IQSEC1: variants seen among roughly 807,000 people sequenced by gnomAD.
IQSEC1 encodes IQ motif and SEC7 domain-containing protein 1.
In IQSEC1, 31 loss-of-function variants were observed where a neutral mutation model predicts 91.0. The ratio of observed to expected loss-of-function variants is 0.34; its 90% CI spans 0.26 to 0.46. The LOEUF (loss-of-function observed/expected upper bound fraction) is 0.46, where lower values mean the gene tolerates loss of function less well. Among genes scored for constraint, IQSEC1 ranks in the 20% least tolerant of loss-of-function variants. IQSEC1 has a pLI of 1.00. For missense variants in IQSEC1, 1,388 were observed against 1,575.6 expected (o/e 0.88, Z 2.02); for synonymous variants, 699 against 662.6 (o/e 1.05, Z -0.84).
chr3:12,927,084 T>G (rs368714480), intron 3 of IQSEC1, among the ~76,000 whole-genome samples: 11 of 152,172 alleles, frequency 7.2e-5, no homozygotes, highest in African/African-American at 2.2e-4. Flanking sequence ...CAGAGCAGAT[T>G]CTGGGTCCTC....
At chr3:12,961,699 C>T (rs1025535462) in intron 1 of IQSEC1, among the ~76,000 whole-genome samples, 3 of 152,196 alleles carry the variant, frequency 2.0e-5, no homozygotes, top group Non-Finnish European at 4.4e-5. Context: ...GGTCCAGTTC[C>T]ACACAGTCAA....
intron 1 of IQSEC1, among the ~76,000 whole-genome samples, chr3:12,944,017 A>T (rs1698996004): frequency 6.6e-6 from 1 of 152,178 alleles, no homozygotes; most frequent in South Asian, 2.1e-4. Flanking sequence ...GCCTGAATGA[A>T]GAGGGGGTCC....
intron 1 of IQSEC1, among the ~76,000 whole-genome samples, chr3:13,175,445 G>A (rs898971521): frequency 6.6e-6 from 1 of 152,132 alleles, no homozygotes; most frequent in Non-Finnish European, 1.5e-5. Flanking sequence ...TGTGACTGAG[G>A]GCAAGAAAGG....
At chr3:13,235,178 G>A (rs1694906516) in intron 1 of IQSEC1, among the ~76,000 whole-genome samples, 1 of 152,214 alleles carries the variant, frequency 6.6e-6, no homozygotes, top group Admixed American at 6.5e-5. Context: ...AAAGTGGGGT[G>A]GGGCTGCCCC....
chr3:13,200,104 C>T (rs1009603893), intron 1 of IQSEC1, among the ~76,000 whole-genome samples: 7 of 148,920 alleles, frequency 4.7e-5, no homozygotes, highest in Non-Finnish European at 8.9e-5. Context: ...TGCGCGCGCA[C>T]GCACACACAC....
intron 1 of IQSEC1, among the ~76,000 whole-genome samples, chr3:13,173,427 G>A (rs1693656617): frequency 6.6e-6 from 1 of 152,232 alleles, no homozygotes; most frequent in Non-Finnish European, 1.5e-5. Flanking sequence ...CCCTGCACCA[G>A]CCCTGTCTGG....
intron 1 of IQSEC1, among the ~76,000 whole-genome samples, chr3:13,200,361 G>T (rs950497931): frequency 2.6e-5 from 4 of 152,138 alleles, no homozygotes; most frequent in African/African-American, 9.7e-5. Flanking sequence ...AAGACTGGAA[G>T]AAAATTCTCC....
At chr3:13,256,197 G>A (rs1036330249) in intron 1 of IQSEC1, among the ~76,000 whole-genome samples, 8 of 152,156 alleles carry the variant, frequency 5.3e-5, no homozygotes, top group African/African-American at 1.9e-4. Context: ...GTCTAGAGAC[G>A]GATAGTGGTG....
intron 2 of IQSEC1, among the ~76,000 whole-genome samples, chr3:13,080,190 C>T (rs1189386335): frequency 1.3e-5 from 2 of 152,086 alleles, no homozygotes; most frequent in African/African-American, 4.8e-5. Flanking sequence ...AAATAGATCC[C>T]CTCATGGGGG....
At chr3:12,946,725 T>A (rs192556579) in intron 1 of IQSEC1, among the ~76,000 whole-genome samples, 2 of 152,300 alleles carry the variant, frequency 1.3e-5, no homozygotes, top group African/African-American at 4.8e-5. Context: ...GAATGTGAGC[T>A]GATGTCATGA....
rs536864158 is a variant in IQSEC1 at position 13,041,083 on chromosome 3, C to T, written c.23+31909G>A. 6.6e-5 allele frequency among the ~76,000 whole-genome samples: 10 copies of T among 152,224 alleles called. No homozygotes were observed. In the East Asian group the frequency reaches 9.6e-4, roughly 15 times the overall value. On this transcript the variant is annotated intron_variant, in intron 1 of 13. Transcript: ENST00000613206. ...CCTCTGGTTTTATTCTGCTCACCTGCGCACAGGGGCTTTAATGCTTCTTTT... is the reference window on the plus strand; with the variant it reads ...CCTCTGGTTTTATTCTGCTCACCTGTGCACAGGGGCTTTAATGCTTCTTTT...
chr3:12,907,815 C>T (rs1203116714), intron 12 of IQSEC1, among the ~76,000 whole-genome samples: 3 of 152,326 alleles, frequency 2.0e-5, no homozygotes, highest in South Asian at 2.1e-4. Context: ...AGGGCTTTCC[C>T]GGACCCCGGA....
intron 1 of IQSEC1, among the ~76,000 whole-genome samples, chr3:12,953,560 T>G (rs1699704438): frequency 6.6e-6 from 1 of 152,250 alleles, no homozygotes; most frequent in Non-Finnish European, 1.5e-5. Flanking sequence ...AGAGCTTTGC[T>G]GACTGATCCA....
intron 1 of IQSEC1, among the ~76,000 whole-genome samples, chr3:13,221,385 G>A (rs1165913687): frequency 6.6e-6 from 1 of 152,228 alleles, no homozygotes; most frequent in Admixed American, 6.5e-5. Flanking sequence ...GAGCCAGGGA[G>A]AGGTGGAGTT....
At chr3:13,194,180 T>A (rs1258796282) in intron 1 of IQSEC1, among the ~76,000 whole-genome samples, 1 of 151,934 alleles carries the variant, frequency 6.6e-6, no homozygotes, top group East Asian at 1.9e-4. Context: ...CGTTCTAAGG[T>A]TATGGGGGTT....
At chr3:13,014,182 G>A (rs1454906371) in intron 1 of IQSEC1, among the ~76,000 whole-genome samples, 1 of 152,150 alleles carries the variant, frequency 6.6e-6, no homozygotes, top group Non-Finnish European at 1.5e-5. Context: ...GGCTCACTGG[G>A]GTCATCAAGC....
At chr3:13,235,879 C>T (rs997177919) in intron 1 of IQSEC1, among the ~76,000 whole-genome samples, 1 of 152,274 alleles carries the variant, frequency 6.6e-6, no homozygotes, top group Admixed American at 6.5e-5. Context: ...CGCCCCGTTC[C>T]CTGTAGCCAC....
At chr3:13,025,326 G>A (rs924982675) in intron 1 of IQSEC1, among the ~76,000 whole-genome samples, 4 of 152,262 alleles carry the variant, frequency 2.6e-5, no homozygotes, top group Non-Finnish European at 4.4e-5. Context: ...GCCCGCTGGG[G>A]ATGAAGTCAC....
At chr3:13,186,201 G>C (rs554850885) in intron 1 of IQSEC1, among the ~76,000 whole-genome samples, 1 of 152,298 alleles carries the variant, frequency 6.6e-6, no homozygotes, top group East Asian at 1.9e-4. Flanking sequence ...CCACTGGAAC[G>C]TCTGCTCCCT....
Sources: gnomAD v4.1 joint callset for allele counts (sites outside exome capture counted in the v4.1 genomes callset) on GRCh38, gnomAD v4.1.1 for gene constraint, MANE v1.5 for transcripts, NCBI Gene and HGNC (gene_info 2026-07-23, HGNC 2026-07-21) for gene names.